The following PEAR1 variants were observed in gnomAD, a reference collection of about 807,000 sequenced individuals.
PEAR1 encodes platelet endothelial aggregation receptor 1.
PEAR1 carries 113 observed loss-of-function variants against 131.2 expected under a neutral mutation model. The observed-to-expected ratio is 0.86, with a 90% CI of 0.74 to 1.01. PEAR1 has a LOEUF of 1.01. PEAR1 is among the 50% of genes least tolerant of loss of function. The pLI, the probability that PEAR1 is intolerant of heterozygous loss-of-function variation, is 0.00. For synonymous variants in PEAR1, 565 were observed against 523.3 expected (o/e 1.08, Z -1.09); for missense variants, 1,408 against 1,391.1 (o/e 1.01, Z -0.19).
Position 156,910,360 on chromosome 1 carries a change from G to A in PEAR1, c.1805G>A (p.Arg602Gln). 5 of 1,601,802 alleles carry A rather than the reference G, an allele frequency of 3.1e-6. No individual in the cohort carries two copies. The highest frequency in any genetic ancestry group is 4.3e-6 in the Non-Finnish European group (5 of 1,173,782). Residue 602 changes from arginine (R) to glutamine (Q), a missense_variant, in exon 14 of 23, where the codon CGG becomes CAG. Coordinates refer to ENST00000292357, the MANE Select transcript of PEAR1 (RefSeq NM_001080471.3). Reference sequence around the variant, plus strand: ...AACTGCGTGTGTGCACCCGGATTCCGGGGCCCCTCCTGCCAGAGATGTGAG... The same window carrying A: ...AACTGCGTGTGTGCACCCGGATTCCAGGGCCCCTCCTGCCAGAGATGTGAG... ...NGNCVCAPGF[R>Q]GPSCQRSCQP...
Position 156,915,770 on chromosome 1 carries a change from G to A in PEAR1, c.*972G>A, listed in dbSNP as rs1307390771. On this transcript the variant is annotated 3_prime_UTR_variant, in exon 23 of 23. Coordinates refer to ENST00000292357, the MANE Select transcript of PEAR1 (RefSeq NM_001080471.3). ...TAGACTGTAAGCTCCCTGAAGGCAA[G>A]AATCCTGTGCTTATGCTCAATATTA... The A allele has an allele frequency of 6.6e-6, 1 of 152,256 alleles. No homozygotes were observed. Among genetic ancestry groups the A allele is most frequent in the South Asian group, 2.1e-4 (1 of 4,830 alleles). 9.4% of individuals were successfully genotyped at this position (152,256 alleles called of 1,614,324 possible).
In PEAR1 at chr1:156,908,071, C is replaced by T; in HGVS notation, c.902+20C>T. 3 of 728,748 alleles carry T rather than the reference C, an allele frequency of 4.1e-6. No homozygotes were observed. Among genetic ancestry groups the T allele is most frequent in the East Asian group, 3.1e-5 (1 of 32,384 alleles). The allele number at this position is 728,748 out of a possible 1,614,324, so 45.1% of individuals were successfully genotyped here. ...GGATCGGTGAGTGGCGTGGGGCGGG[C>T]GGGAGACGGGAGGGAGGAGGTGGGG... On this transcript the variant is annotated intron_variant, in intron 8 of 22. Transcript: ENST00000292357. The surrounding 1 kb of genome is among the most constrained non-coding windows in gnomAD (Gnocchi z 4.2).
At chr1:156,893,931 C>T (rs1337639384) in intron 1 of PEAR1, 94 bp downstream of exon 1, 1 of 152,336 alleles carries the variant, frequency 6.6e-6, no homozygotes, top group African/African-American at 2.4e-5. Flanking sequence ...TCCCTGAGGT[C>T]CCCCTCCTCG....
chr1:156,910,144 G>A (rs571245318), intron 13 of PEAR1, 36 bp downstream of exon 13: 2 of 1,613,848 alleles, frequency 1.2e-6, no homozygotes, highest in Non-Finnish European at 1.7e-6. Context: ...ACTGTGGATT[G>A]GGGGATGCAT....
intron 11 of PEAR1, 67 bp downstream of exon 11, chr1:156,909,103 G>A: frequency 1.2e-6 from 2 of 1,600,022 alleles, no homozygotes; most frequent in East Asian, 2.2e-5. Context: ...GAGAGTCCAA[G>A]AGTATGGGTG....
Position 156,906,754 on chromosome 1 carries a change from A to G in PEAR1, c.518A>G (p.Asn173Ser), listed in dbSNP as rs773384338. 6.2e-7 allele frequency: 1 copy of G among 1,614,150 alleles called. No individual in the cohort carries two copies. The highest frequency in any genetic ancestry group is 8.5e-7 in the Non-Finnish European group (1 of 1,180,036). ...TGCCCTTCTGGTCTGCAGCCCCCGA[A>G]CTGCCTTCAGCCCTGTACCCCTGGC... ...CSCPSGLQPP[N>S]CLQPCTPGYY... is the part of the protein sequence containing the mutation. Residue 173 changes from asparagine (N) to serine (S), a missense_variant, in exon 6 of 23, where the codon AAC (asparagine) becomes AGC (serine). Physicochemically the swap from Asn to Ser is conservative, Grantham distance 46. Coordinates refer to ENST00000292357, the MANE Select transcript of PEAR1 (RefSeq NM_001080471.3).
chr1:156,896,706 A>G (rs1649197181), intron 1 of PEAR1, among the ~76,000 whole-genome samples: 1 of 152,102 alleles, frequency 6.6e-6, no homozygotes, highest in Admixed American at 6.5e-5. Flanking sequence ...TGCAGTGGAC[A>G]GTGAGGGGGT....
chr1:156,913,607 G>C lies in PEAR1; in HGVS notation c.2644+84G>C, dbSNP rs534504623. ...CGTCTGAGTGTGTGTGTCTGGAGAC[G>C]GGGGCTCTGGGCCCCATTTCTAGAG... is the stretch of plus-strand genomic sequence containing the variant. On this transcript the variant is annotated intron_variant, in intron 20 of 22. Transcript: ENST00000292357. The C allele has an allele frequency of 7.8e-4, 1,253 of 1,597,096 alleles. 2 individuals carry two copies. The highest frequency in any genetic ancestry group is 1.0e-3 in the Non-Finnish European group (1,215 of 1,172,140).
intron 1 of PEAR1, among the ~76,000 whole-genome samples, chr1:156,900,881 C>G (rs1649611704): frequency 6.6e-6 from 1 of 152,082 alleles, no homozygotes; most frequent in Non-Finnish European, 1.5e-5. Flanking sequence ...TATGCAATCT[C>G]TTGGGTATAT....
At chr1:156,894,730 G>C (rs1648993409) in intron 1 of PEAR1, among the ~76,000 whole-genome samples, 1 of 152,228 alleles carries the variant, frequency 6.6e-6, no homozygotes, top group Non-Finnish European at 1.5e-5. Context: ...GTTCTGGCCT[G>C]TTATGAGTGG....
intron 15 of PEAR1, among the ~76,000 whole-genome samples, chr1:156,911,163 T>C (rs1651117214): frequency 7.1e-6 from 1 of 140,920 alleles, no homozygotes; most frequent in African/African-American, 2.8e-5. Flanking sequence ...TTTTTCTTTC[T>C]TTCTTTCCTT....
chr1:156,913,930 T>C lies in PEAR1; in HGVS notation c.2792T>C (p.Leu931Pro). Residue 931 changes from leucine to proline, a missense_variant, in exon 22 of 23, where the codon CTG becomes CCG. Transcript: ENST00000292357. ...SENPYATIRD[L>P]PSLPGGPRES... ...AACCCATATGCCACCATCCGGGACCTGCCCAGCTTGCCAGGGGGCCCCCGG... is the reference window on the plus strand; with the variant it reads ...AACCCATATGCCACCATCCGGGACCCGCCCAGCTTGCCAGGGGGCCCCCGG... 6.2e-7 allele frequency: 1 copy of C among 1,614,074 alleles called. No homozygotes were observed.
At chr1:156,906,474 G>T in intron 5 of PEAR1, 106 bp downstream of exon 5, 4 of 1,532,606 alleles carry the variant, frequency 2.6e-6, no homozygotes, top group Non-Finnish European at 2.7e-6. Context: ...ACCCCAGGGC[G>T]ATTACCCGCC....
At chr1:156,907,420 C>G (rs1032402794) in intron 6 of PEAR1, among the ~76,000 whole-genome samples, 190 bp from the exon 7 acceptor site, 39 of 152,292 alleles carry the variant, frequency 2.6e-4, no homozygotes, top group Middle Eastern at 6.8e-3. Flanking sequence ...CCCCACCTGC[C>G]GGTGCCAGGG....
rs822441 is a variant in PEAR1, at chr1:156,913,204, G to T, written c.2433G>T (p.Pro811=). The T allele has an allele frequency of 2.5e-6, 4 of 1,613,076 alleles. No homozygotes were observed. Among genetic ancestry groups the T allele is most frequent in the East Asian group, 2.2e-5 (1 of 44,832 alleles). Residue 811 remains proline (P), a synonymous_variant, in exon 19 of 23, where the codon CCG becomes CCT. Coordinates refer to ENST00000292357, the MANE Select transcript of PEAR1 (RefSeq NM_001080471.3). ...GTGTCTGTCATGCAGATGTCCCTCCGAGCTACAGTCACTACTACTCCAACC... is the reference window on the plus strand; with the variant it reads ...GTGTCTGTCATGCAGATGTCCCTCCTAGCTACAGTCACTACTACTCCAACC... ...GSEYVMPDVP[P]SYSHYYSNPS... is the part of the protein sequence containing the mutation.
Position 156,908,201 on chromosome 1 carries a change from C to T in PEAR1, c.976C>T (p.Arg326Cys), listed in dbSNP as rs1228562041. 31 of 1,602,738 alleles carry T rather than the reference C, an allele frequency of 1.9e-5. No homozygotes were observed. The highest frequency in any genetic ancestry group is 2.4e-5 in the Non-Finnish European group (28 of 1,178,888). The change falls in exon 9 of 23, where the codon CGT becomes TGT. Residue 326 changes from arginine to cysteine, a missense_variant. Transcript: ENST00000292357. The surrounding 1 kb of genome is among the most constrained non-coding windows in gnomAD (Gnocchi z 4.2). Reference protein sequence around the residue: ...AETCDCAPDARCFPANGACLC... With the variant: ...AETCDCAPDACCFPANGACLC... ...GACGTGCGACTGCGCCCCGGACGCC[C>T]GTTGCTTCCCGGCCAACGGCGCATG...
chr1:156,912,061 G>T (rs1651269369), intron 15 of PEAR1, among the ~76,000 whole-genome samples, 186 bp from the exon 16 acceptor site: 1 of 152,232 alleles, frequency 6.6e-6, no homozygotes, highest in Non-Finnish European at 1.5e-5. Context: ...CGTGGGTCTG[G>T]AGTTTGGGGG....
chr1:156,906,556 C>T, intron 5 of PEAR1, 81 bp from the exon 6 acceptor site: 5 of 1,581,210 alleles, frequency 3.2e-6, no homozygotes, highest in Non-Finnish European at 4.3e-6. Context: ...GGCTGGGAGA[C>T]AGAGGCTGGG....
intron 3 of PEAR1, chr1:156,905,072 C>G (rs1650092608): frequency 1.4e-6 from 2 of 1,399,920 alleles, no homozygotes; most frequent in Non-Finnish European, 2.0e-6. Flanking sequence ...ACAGTATATG[C>G]CTGTGGGGTT....
Sources: allele counts gnomAD v4.1 joint callset (sites outside exome capture counted in the v4.1 genomes callset), GRCh38; gene constraint gnomAD v4.1.1; non-coding constraint Gnocchi (gnomAD v3.1); transcripts MANE v1.5; gene names NCBI Gene and HGNC (gene_info 2026-07-23, HGNC 2026-07-21).